VTA1: variants seen among roughly 807,000 people sequenced by gnomAD.
The protein encoded by VTA1 is vesicle trafficking 1.
In VTA1, 24 loss-of-function variants were observed where a neutral mutation model predicts 36.9. The ratio of observed to expected loss-of-function variants is 0.65; its 90% CI spans 0.47 to 0.91. The LOEUF is 0.91. VTA1 is among the 40% of genes least tolerant of loss of function. VTA1 has a pLI of 0.00. For synonymous variants in VTA1, 142 were observed against 130.2 expected, an observed-to-expected ratio of 1.09 and a Z score of -0.62; for missense variants, 393 against 377.2, an observed-to-expected ratio of 1.04 and a Z score of -0.35.
At chr6:142,215,838 A>G (rs1261113138) in intron 7 of VTA1, among the ~76,000 whole-genome samples, 2 of 152,154 alleles carry the variant, frequency 1.3e-5, no homozygotes, top group Non-Finnish European at 2.9e-5. Context: ...TCTTTATACC[A>G]AGTGATGTTA....
chr6:142,221,516 T>C lies in VTA1; in HGVS notation c.*2873T>C, dbSNP rs1239501901. The C allele has an allele frequency of 6.6e-6, 1 of 152,134 alleles. No individual in the cohort carries two copies. The highest frequency in any genetic ancestry group is 1.5e-5 in the Non-Finnish European group (1 of 68,038). 9.4% of individuals were successfully genotyped at this position (152,134 alleles called of 1,614,324 possible). On this transcript the variant is annotated 3_prime_UTR_variant, in exon 8 of 8. Coordinates refer to ENST00000367630, the MANE Select transcript of VTA1 (RefSeq NM_016485.5). ...AAAGCTTTTTTGTAAGACACTTGAC[T>C]GGGAGCTATATGGAAAGGTTTTCAG...
chr6:142,147,280 G>C lies in VTA1; in HGVS notation c.-8G>C. The C allele has an allele frequency of 1.2e-6, 2 of 1,614,128 alleles. No homozygotes were observed. The highest frequency in any genetic ancestry group is 1.1e-5 in the South Asian group (1 of 91,080). On this transcript the variant is annotated 5_prime_UTR_variant, in exon 1 of 8. Transcript: ENST00000367630. ...GCGCGAGTAGGAAGTGGTGAGTTCG[G>C]AGTAGAGATGGCCGCGCTTGCACCG... is the stretch of plus-strand genomic sequence containing the variant.
chr6:142,211,528 G>A (rs568592250), intron 7 of VTA1, among the ~76,000 whole-genome samples: 3 of 152,136 alleles, frequency 2.0e-5, no homozygotes, highest in Non-Finnish European at 2.9e-5. Context: ...TGGCTAACAC[G>A]GTGAAACCCT....
At chr6:142,156,765 A>G (rs1348316408) in intron 1 of VTA1, among the ~76,000 whole-genome samples, 1 of 152,248 alleles carries the variant, frequency 6.6e-6, no homozygotes, top group Non-Finnish European at 1.5e-5. Flanking sequence ...GTAAGTATAT[A>G]TAAAGTTATT....
At chr6:142,206,366 C>T (rs142829027) in intron 7 of VTA1, among the ~76,000 whole-genome samples, 31 of 152,188 alleles carry the variant, frequency 2.0e-4, no homozygotes, top group African/African-American at 7.2e-4. Flanking sequence ...ATTAGCATTC[C>T]ACCAAAAATA....
chr6:142,218,296 C>T (rs916237464), intron 7 of VTA1, among the ~76,000 whole-genome samples: 2 of 151,910 alleles, frequency 1.3e-5, no homozygotes, highest in African/African-American at 2.4e-5. Context: ...TATGTATTGC[C>T]GTGTCTGTGG....
chr6:142,166,588 C>T (rs225657), intron 2 of VTA1, among the ~76,000 whole-genome samples: 1 of 151,382 alleles, frequency 6.6e-6, no homozygotes, highest in Non-Finnish European at 1.5e-5. Flanking sequence ...CCTTTGGCTC[C>T]TCCTTTTATA....
intron 1 of VTA1, among the ~76,000 whole-genome samples, chr6:142,161,243 A>G (rs558872365): frequency 6.6e-6 from 1 of 152,192 alleles, no homozygotes; most frequent in Non-Finnish European, 1.5e-5. Flanking sequence ...ATATTTAGGA[A>G]TAGAATAACA....
At chr6:142,199,357 G>C (rs1775633556) in intron 6 of VTA1, among the ~76,000 whole-genome samples, 1 of 151,936 alleles carries the variant, frequency 6.6e-6, no homozygotes, top group Non-Finnish European at 1.5e-5. Context: ...CTCCAAGTAG[G>C]ACACTTGCAG....
rs560833776 is a variant in VTA1, at chr6:142,223,458, G to T, written c.*4815G>T. 6.6e-6 allele frequency: 1 copy of T among 151,996 alleles called. No individual in the cohort carries two copies. Among genetic ancestry groups the T allele is most frequent in the Admixed American group, 6.6e-5 (1 of 15,258 alleles). 9.4% of individuals were successfully genotyped at this position (151,996 alleles called of 1,614,324 possible). Reference sequence around the variant, plus strand: ...TCTTCAGGAAATAAGATTGAGATACGGACTGAAAATATAAAATTAGCAATA... The same window carrying T: ...TCTTCAGGAAATAAGATTGAGATACTGACTGAAAATATAAAATTAGCAATA... On this transcript the variant is annotated 3_prime_UTR_variant, in exon 8 of 8. Transcript: ENST00000367630.
At chr6:142,175,830 T>A (rs972115657) in intron 4 of VTA1, among the ~76,000 whole-genome samples, 11 of 152,154 alleles carry the variant, frequency 7.2e-5, no homozygotes, top group Non-Finnish European at 1.3e-4. Context: ...CTAAAGTCTA[T>A]TTTCTTTAGT....
chr6:142,149,254 C>T (rs1778518652), intron 1 of VTA1, among the ~76,000 whole-genome samples: 1 of 152,136 alleles, frequency 6.6e-6, no homozygotes, highest in African/African-American at 2.4e-5. Flanking sequence ...ACTGAAACTG[C>T]TCTCATCAGG....
At chr6:142,151,408 G>T (rs937803539) in intron 1 of VTA1, among the ~76,000 whole-genome samples, 2 of 152,082 alleles carry the variant, frequency 1.3e-5, no homozygotes, top group Non-Finnish European at 2.9e-5. Context: ...CATTATTAAA[G>T]AATACCAATC....
At position 142,224,273 on chromosome 6, in the gene VTA1, G is replaced by A. The variant is rs1260026720; in HGVS notation, c.*5630G>A. ...AGTTGCCTGCTTTAATTCATCCCAT[G>A]GAATTGTTTTGTCTTTTCGACCCCT... On this transcript the variant is annotated 3_prime_UTR_variant, in exon 8 of 8. Coordinates refer to ENST00000367630, the MANE Select transcript of VTA1 (RefSeq NM_016485.5). 1 of 152,158 alleles carries A rather than the reference G, an allele frequency of 6.6e-6. No homozygotes were observed. The highest frequency in any genetic ancestry group is 2.4e-5 in the African/African-American group (1 of 41,434). The allele number at this position is 152,158 out of a possible 1,614,324, so 9.4% of individuals were successfully genotyped here.
intron 1 of VTA1, among the ~76,000 whole-genome samples, chr6:142,164,383 T>C (rs1305299516): frequency 6.6e-6 from 1 of 152,128 alleles, no homozygotes; most frequent in Non-Finnish European, 1.5e-5. Flanking sequence ...GAACTCTTTT[T>C]TTTTTCTCCT....
At chr6:142,195,841 G>T (rs1442428191) in intron 5 of VTA1, among the ~76,000 whole-genome samples, 11 of 152,018 alleles carry the variant, frequency 7.2e-5, no homozygotes, top group African/African-American at 2.2e-4. Context: ...TGAGGTGTTT[G>T]TAGATATCTT....
intron 5 of VTA1, among the ~76,000 whole-genome samples, chr6:142,190,512 A>G (rs991768856): frequency 8.5e-5 from 13 of 152,228 alleles, no homozygotes; most frequent in Non-Finnish European, 1.6e-4. Flanking sequence ...TCATGAAAAA[A>G]TAAAGGTCTC....
Position 142,169,800 on chromosome 6 carries a change from T to C in VTA1, c.335+123T>C, listed in dbSNP as rs2232303. 19 of 886,046 alleles carry C rather than the reference T, an allele frequency of 2.1e-5. No homozygotes were observed. In the African/African-American group the frequency reaches 3.4e-4, roughly 16 times the overall value. The allele number at this position is 886,046 out of a possible 1,614,324, so 54.9% of individuals were successfully genotyped here. A position where few individuals can be genotyped will look rare whatever the true frequency, so the allele number is the denominator to read the frequency against. On this transcript the variant is annotated intron_variant, in intron 3 of 7. Coordinates refer to ENST00000367630, the MANE Select transcript of VTA1 (RefSeq NM_016485.5). ...GATTTAGGTTTTTTTAGAAAAAAATTATCAAACCTCACGGTGATTTTAGAT... is the reference window on the plus strand; with the variant it reads ...GATTTAGGTTTTTTTAGAAAAAAATCATCAAACCTCACGGTGATTTTAGAT...
At chr6:142,184,170 A>G (rs1775298054) in intron 4 of VTA1, among the ~76,000 whole-genome samples, 1 of 152,204 alleles carries the variant, frequency 6.6e-6, no homozygotes, top group Non-Finnish European at 1.5e-5. Context: ...GCATTGATAA[A>G]CATTAAGTAG....
Sources: allele counts gnomAD v4.1 joint callset (sites outside exome capture counted in the v4.1 genomes callset), GRCh38; gene constraint gnomAD v4.1.1; transcripts MANE v1.5; gene names NCBI Gene and HGNC (gene_info 2026-07-23, HGNC 2026-07-21).